The following C1QTNF7 variants were observed in gnomAD, a reference collection of about 807,000 sequenced individuals.
C1QTNF7 encodes C1q and TNF related 7.
In C1QTNF7, 15 loss-of-function variants were observed where a neutral mutation model predicts 19.6. That is an observed-to-expected ratio of 0.76 (90% CI 0.51 to 1.18). The LOEUF is 1.18. Among genes scored for constraint, C1QTNF7 ranks in the 50% most tolerant of loss-of-function variants. The pLI, the probability that C1QTNF7 is intolerant of heterozygous loss-of-function variation, is 0.00. For synonymous variants in C1QTNF7, 142 were observed against 137.5 expected (o/e 1.03, Z -0.23); for missense variants, 324 against 359.7 (o/e 0.90, Z 0.80).
chr4:15,400,414 C>T (rs1361378027), intron 1 of C1QTNF7, among the ~76,000 whole-genome samples: 2 of 152,162 alleles, frequency 1.3e-5, no homozygotes, highest in Admixed American at 6.5e-5. Context: ...CAAGAAGACA[C>T]ATTTGTATGA....
At chr4:15,372,019 G>A (rs773750009) in intron 1 of C1QTNF7, among the ~76,000 whole-genome samples, 23 of 152,096 alleles carry the variant, frequency 1.5e-4, no homozygotes, top group Admixed American at 2.6e-4. Context: ...GGTTCTTGTC[G>A]TCATGGTTTA....
At chr4:15,408,854 C>A (rs1160373112) in intron 1 of C1QTNF7, among the ~76,000 whole-genome samples, 2 of 152,198 alleles carry the variant, frequency 1.3e-5, no homozygotes, top group East Asian at 3.8e-4. Context: ...CCACCTCCCA[C>A]CACCAAAATT....
intron 1 of C1QTNF7, among the ~76,000 whole-genome samples, chr4:15,432,632 T>A (rs934161874): frequency 6.6e-6 from 1 of 152,196 alleles, no homozygotes; most frequent in Non-Finnish European, 1.5e-5. Flanking sequence ...TGACTTCAAG[T>A]GATCCTCCAA....
chr4:15,348,658 T>G (rs575764594), intron 1 of C1QTNF7, among the ~76,000 whole-genome samples: 28 of 152,356 alleles, frequency 1.8e-4, no homozygotes, highest in Middle Eastern at 3.4e-3. Flanking sequence ...CGGGGCAATA[T>G]GGCCCACTGG....
At chr4:15,347,245 C>T (rs1716750662) in intron 1 of C1QTNF7, among the ~76,000 whole-genome samples, 1 of 152,144 alleles carries the variant, frequency 6.6e-6, no homozygotes, top group Non-Finnish European at 1.5e-5. Context: ...AGCTTAAATG[C>T]CAGCAGCAGC....
chr4:15,435,181 T>C (rs1308843116), intron 1 of C1QTNF7, among the ~76,000 whole-genome samples: 1 of 152,196 alleles, frequency 6.6e-6, no homozygotes, highest in Non-Finnish European at 1.5e-5. Context: ...ACAAAAGCAA[T>C]TATTTTTTAA....
At chr4:15,384,562 T>G (rs898444805) in intron 1 of C1QTNF7, among the ~76,000 whole-genome samples, 3 of 152,178 alleles carry the variant, frequency 2.0e-5, no homozygotes. Flanking sequence ...TTCTGGAGCC[T>G]CACCAGCAAA....
At chr4:15,374,813 T>G (rs1443469321) in intron 1 of C1QTNF7, 1 of 965,280 alleles carries the variant, frequency 1.0e-6, no homozygotes, top group African/African-American at 1.8e-5. Context: ...TCTTCAGGCT[T>G]TTTTTCCTTA....
chr4:15,363,713 C>T (rs1222383495), intron 1 of C1QTNF7, among the ~76,000 whole-genome samples: 1 of 152,118 alleles, frequency 6.6e-6, no homozygotes, highest in Non-Finnish European at 1.5e-5. Context: ...GCAAAATGAA[C>T]ATTGGAAAGT....
intron 1 of C1QTNF7, among the ~76,000 whole-genome samples, chr4:15,416,615 C>T (rs369468026): frequency 3.3e-5 from 5 of 152,190 alleles, no homozygotes; most frequent in Admixed American, 6.5e-5. Context: ...GCTGTCTCCA[C>T]GATACTCGAC....
intron 1 of C1QTNF7, among the ~76,000 whole-genome samples, chr4:15,402,918 A>G (rs1207657930): frequency 6.6e-6 from 1 of 151,726 alleles, no homozygotes; most frequent in African/African-American, 2.4e-5. Flanking sequence ...ATCTGGAATG[A>G]TGTTCATCAA....
chr4:15,360,706 C>T (rs1008189691), intron 1 of C1QTNF7, among the ~76,000 whole-genome samples: 5 of 152,156 alleles, frequency 3.3e-5, no homozygotes, highest in Admixed American at 2.0e-4. Flanking sequence ...AGAACATTGT[C>T]GTCTTTGACC....
upstream of C1QTNF7, among the ~76,000 whole-genome samples, chr4:15,425,737 G>T (rs1464916451): frequency 1.3e-5 from 2 of 152,106 alleles, no homozygotes; most frequent in African/African-American, 4.8e-5. Flanking sequence ...TTATGATGAG[G>T]ATTAAAGAAA....
intron 1 of C1QTNF7, among the ~76,000 whole-genome samples, chr4:15,432,306 GTCT>G (rs1712349783): frequency 6.6e-6 from 1 of 152,184 alleles, no homozygotes; most frequent in Non-Finnish European, 1.5e-5. Context: ...ACACCCCGTG[GTCT>G]TCTTGCATCA....
chr4:15,427,222 G>A (rs1712091215), upstream of C1QTNF7, among the ~76,000 whole-genome samples: 1 of 152,128 alleles, frequency 6.6e-6, no homozygotes, highest in Non-Finnish European at 1.5e-5. Flanking sequence ...CATTGCTTGA[G>A]AAGAATGAGA....
intron 1 of C1QTNF7, among the ~76,000 whole-genome samples, chr4:15,398,338 A>G (rs1718865124): frequency 1.3e-5 from 2 of 152,322 alleles, no homozygotes; most frequent in South Asian, 4.1e-4. Flanking sequence ...TAATTATATC[A>G]GACTCATGCT....
chr4:15,435,609 T>C, intron 1 of C1QTNF7, 127 bp from the exon 2 acceptor site: 1 of 1,349,270 alleles, frequency 7.4e-7, no homozygotes, highest in Non-Finnish European at 1.0e-6. Context: ...TTTACATGTC[T>C]GGAAAGACGA....
upstream of C1QTNF7, among the ~76,000 whole-genome samples, chr4:15,425,691 T>C (rs116190515): frequency 6.6e-3 from 1,008 of 152,292 alleles, 9 homozygotes; most frequent in African/African-American, 0.023. Flanking sequence ...TACTCATCTG[T>C]AGAAGGAGGA....
At chr4:15,360,701 A>C (rs1363693464) in intron 1 of C1QTNF7, among the ~76,000 whole-genome samples, 1 of 152,226 alleles carries the variant, frequency 6.6e-6, no homozygotes, top group Non-Finnish European at 1.5e-5. Context: ...AAAGTAGAAC[A>C]TTGTCGTCTT....
Sources: allele counts gnomAD v4.1 joint callset (sites outside exome capture counted in the v4.1 genomes callset), GRCh38; gene constraint gnomAD v4.1.1; transcripts MANE v1.5; gene names NCBI Gene and HGNC (gene_info 2026-07-23, HGNC 2026-07-21).